Variants in OSMR observed in about 807,000 individuals in gnomAD.
The protein encoded by OSMR is oncostatin-M-specific receptor subunit beta.
A neutral mutation model predicts 99.9 loss-of-function variants in OSMR; 81 were observed. That is an observed-to-expected ratio of 0.81 (90% CI 0.68 to 0.97). OSMR has a LOEUF of 0.97. Ranked by LOEUF, OSMR falls within the 50% of genes least tolerant of loss-of-function variation. The pLI is 0.00. For synonymous variants in OSMR, 406 were observed against 410.4 expected, an observed-to-expected ratio of 0.99 and a Z score of 0.13; for missense variants, 1,099 against 1,153.4, an observed-to-expected ratio of 0.95 and a Z score of 0.68.
intron 15 of OSMR, among the ~76,000 whole-genome samples, chr5:38,930,172 G>T (rs1017633736): frequency 6.6e-6 from 1 of 152,154 alleles, no homozygotes; most frequent in Non-Finnish European, 1.5e-5. Context: ...TTCTAAATTG[G>T]TGGAGACCTG....
At position 38,862,729 on chromosome 5, in the gene OSMR, G is replaced by A. The variant is rs530097480; in HGVS notation, c.-13-6303G>A. On this transcript the variant is annotated intron_variant, in intron 1 of 17. Coordinates refer to ENST00000274276, the MANE Select transcript of OSMR (RefSeq NM_003999.3). ...TCACTTCCTAGATGGGATGGCGGCC[G>A]GGAAGAGGCGCTCCTCACTTCCCAG... 8.6e-5 allele frequency among the ~76,000 whole-genome samples: 13 copies of A among 150,450 alleles called. No homozygotes were observed. The South Asian group carries it at 1.3e-3, about 15-fold the overall frequency.
intron 2 of OSMR, among the ~76,000 whole-genome samples, chr5:38,872,414 G>A (rs1742456846): frequency 1.3e-5 from 2 of 152,140 alleles, no homozygotes; most frequent in Non-Finnish European, 2.9e-5. Context: ...TGGTTTCTCT[G>A]AGCTGAGTAA....
intron 7 of OSMR, among the ~76,000 whole-genome samples, chr5:38,893,667 T>C (rs758201471): frequency 4.6e-5 from 7 of 152,174 alleles, no homozygotes; most frequent in Non-Finnish European, 7.3e-5. Context: ...TTAAGAAATA[T>C]GGCATTATGT....
intron 15 of OSMR, among the ~76,000 whole-genome samples, chr5:38,929,416 G>A (rs357275): frequency 0.033 from 5,010 of 152,148 alleles, 137 homozygotes; most frequent in South Asian, 0.082. Context: ...TTTATATTTG[G>A]ACATTTGGCA....
intron 7 of OSMR, among the ~76,000 whole-genome samples, chr5:38,900,707 G>A (rs879811073): frequency 3.3e-5 from 5 of 152,308 alleles, no homozygotes; most frequent in African/African-American, 4.8e-5. Context: ...TAACAAGGGC[G>A]GTGTCAGTGT....
intron 7 of OSMR, among the ~76,000 whole-genome samples, chr5:38,900,296 G>C (rs146934549): frequency 2.6e-5 from 4 of 152,336 alleles, no homozygotes; most frequent in African/African-American, 9.6e-5. Flanking sequence ...GCCAGGGAAT[G>C]GGGGAGGGGT....
intron 14 of OSMR, 140 bp from the exon 15 acceptor site, chr5:38,925,064 T>C (rs1746411860): frequency 6.7e-7 from 1 of 1,496,972 alleles, no homozygotes; most frequent in Non-Finnish European, 8.9e-7. Context: ...AAATTATGAT[T>C]TGATTTTTGT....
chr5:38,940,153 A>AAAAAAAC (rs1554057795), downstream of OSMR: 1 of 228,872 alleles, frequency 4.4e-6, no homozygotes, highest in African/African-American at 2.2e-5. Context: ...CAAAAAAAAA[A>AAAAAAAC]ACACAAAACA....
At chr5:38,904,237 T>C in intron 8 of OSMR, 116 bp from the exon 9 acceptor site, 1 of 1,542,870 alleles carries the variant, frequency 6.5e-7, no homozygotes, top group Non-Finnish European at 8.7e-7. Context: ...GAACTGATCT[T>C]ACTCCAGGTC....
chr5:38,885,152 C>T, intron 5 of OSMR, 197 bp from the exon 6 acceptor site: 3 of 983,312 alleles, frequency 3.1e-6, no homozygotes, highest in Non-Finnish European at 3.6e-6. Context: ...ATCACAAGGG[C>T]AGGAAGGAGA....
chr5:38,944,662 C>A lies in OSMR; in HGVS notation c.*87-284C>A, dbSNP rs191375959. 3.5e-6 allele frequency: 4 copies of A among 1,143,704 alleles called. No individual in the cohort carries two copies. The East Asian group carries it at 9.5e-5, about 27-fold the overall frequency. The allele number at this position is 1,143,704 out of a possible 1,614,324, so 70.8% of individuals were successfully genotyped here. Reference sequence around the variant, plus strand: ...TTTATTTTTAAACTTCACCTAAAGACCTAGAGATCAATTACACATGATCTA... The same window carrying A: ...TTTATTTTTAAACTTCACCTAAAGAACTAGAGATCAATTACACATGATCTA... On this transcript the variant is annotated intron_variant and NMD_transcript_variant, in intron 2 of 2. Transcript: ENST00000508882.
intron 1 of OSMR, among the ~76,000 whole-genome samples, chr5:38,863,528 T>C (rs1479061933): frequency 1.3e-5 from 2 of 152,110 alleles, no homozygotes; most frequent in African/African-American, 4.8e-5. Flanking sequence ...AGAGCAAGAC[T>C]TTGTTTCAAA....
chr5:38,865,074 A>G (rs777932387), intron 1 of OSMR, among the ~76,000 whole-genome samples: 2 of 152,100 alleles, frequency 1.3e-5, no homozygotes, highest in African/African-American at 4.8e-5. Flanking sequence ...TTTTATTTCA[A>G]TTATTGAATT....
At chr5:38,865,652 G>C (rs988167171) in intron 1 of OSMR, among the ~76,000 whole-genome samples, 2 of 152,212 alleles carry the variant, frequency 1.3e-5, no homozygotes, top group African/African-American at 4.8e-5. Context: ...GGCCTACTGT[G>C]TCAGTCCTTG....
intron 9 of OSMR, among the ~76,000 whole-genome samples, chr5:38,910,956 G>A (rs1745540709): frequency 6.6e-6 from 1 of 152,172 alleles, no homozygotes; most frequent in African/African-American, 2.4e-5. Flanking sequence ...GTTGCGGTGA[G>A]CTGAGATTGC....
intron 6 of OSMR, 115 bp downstream of exon 6, chr5:38,885,599 A>G: frequency 7.4e-7 from 1 of 1,357,586 alleles, no homozygotes; most frequent in South Asian, 1.2e-5. Flanking sequence ...ATATTTCAGA[A>G]CCACCTGCCA....
chr5:38,940,174 TACTA>T (rs1216304905), downstream of OSMR: 1 of 212,622 alleles, frequency 4.7e-6, no homozygotes, highest in Non-Finnish European at 9.1e-6. Flanking sequence ...TTCAGGCCAA[TACTA>T]ACTAAGCCTT....
chr5:38,939,074 A>C (rs191483620), downstream of OSMR: 687 of 233,170 alleles, frequency 2.9e-3, 2 homozygotes, highest in African/African-American at 0.014. Flanking sequence ...CCATGCAAAA[A>C]TAACTGCAGT....
chr5:38,883,232 T>A (rs1011576826), intron 4 of OSMR, among the ~76,000 whole-genome samples: 2 of 152,180 alleles, frequency 1.3e-5, no homozygotes, highest in Non-Finnish European at 2.9e-5. Flanking sequence ...CAAGAATTGC[T>A]TGAAGGTTGG....
Sources: gnomAD v4.1 joint callset for allele counts (sites outside exome capture counted in the v4.1 genomes callset) on GRCh38, gnomAD v4.1.1 for gene constraint, MANE v1.5 for transcripts, NCBI Gene and HGNC (gene_info 2026-07-23, HGNC 2026-07-21) for gene names.